Variants in SLC39A12 observed in about 807,000 individuals in gnomAD.
SLC39A12 encodes the protein solute carrier family 39 member 12, also known as zinc transporter ZIP12.
In SLC39A12, 63 loss-of-function variants were observed where a neutral mutation model predicts 71.1. The ratio of observed to expected loss-of-function variants is 0.89; its 90% CI spans 0.72 to 1.09. SLC39A12 has a LOEUF of 1.09. Among genes scored for constraint, SLC39A12 ranks in the 50% least tolerant of loss-of-function variants. SLC39A12 has a pLI of 0.00. For synonymous variants in SLC39A12, 351 were observed against 301.3 expected, an observed-to-expected ratio of 1.16 and a Z score of -1.71; for missense variants, 892 against 812.6, an observed-to-expected ratio of 1.10 and a Z score of -1.19.
intron 12 of SLC39A12, among the ~76,000 whole-genome samples, chr10:18,039,042 A>G (rs532264596): frequency 6.6e-6 from 1 of 152,244 alleles, no homozygotes; most frequent in Non-Finnish European, 1.5e-5. Context: ...TGATGGTTCA[A>G]TAAATGACCT....
At chr10:17,953,109 G>T in intron 1 of SLC39A12, 82 bp from the exon 2 acceptor site, 3 of 848,718 alleles carry the variant, frequency 3.5e-6, no homozygotes, top group Non-Finnish European at 5.4e-6. Context: ...TTGCAAATCA[G>T]CTTAGCCACC....
intron 4 of SLC39A12, among the ~76,000 whole-genome samples, chr10:17,971,632 C>T (rs1834977394): frequency 6.6e-6 from 1 of 152,076 alleles, no homozygotes; most frequent in Admixed American, 6.5e-5. Context: ...TATGGTTACT[C>T]ATAGTAGCCA....
intron 12 of SLC39A12, among the ~76,000 whole-genome samples, chr10:18,011,151 G>A (rs571901293): frequency 3.4e-4 from 52 of 151,896 alleles, no homozygotes; most frequent in Admixed American, 9.2e-4. Context: ...GTGCAGTGGC[G>A]CGATCTCAAC....
At chr10:17,993,115 G>A (rs1835596923) in intron 8 of SLC39A12, 66 bp from the exon 9 acceptor site, 2 of 1,126,552 alleles carry the variant, frequency 1.8e-6, no homozygotes, top group Admixed American at 4.7e-5. Context: ...TGGAACCGTG[G>A]CATTGACAAA....
chr10:17,954,549 C>T (rs576459617), intron 2 of SLC39A12, among the ~76,000 whole-genome samples: 18 of 152,200 alleles, frequency 1.2e-4, no homozygotes, highest in African/African-American at 3.4e-4. Context: ...CCACGGCGCC[C>T]GGCCTCCAGG....
At chr10:17,955,405 C>A (rs1554847662) in intron 2 of SLC39A12, among the ~76,000 whole-genome samples, 1 of 152,152 alleles carries the variant, frequency 6.6e-6, no homozygotes, top group Non-Finnish European at 1.5e-5. Context: ...TCACCCCAAT[C>A]ACCCATCAGG....
chr10:17,956,960 A>G (rs1834566211), intron 2 of SLC39A12, among the ~76,000 whole-genome samples: 2 of 152,108 alleles, frequency 1.3e-5, no homozygotes, highest in South Asian at 4.1e-4. Flanking sequence ...GGAAAAAAAC[A>G]CATACACGTT....
chr10:17,987,395 C>A (rs935293607), intron 6 of SLC39A12, 84 bp from the exon 7 acceptor site: 39 of 1,288,164 alleles, frequency 3.0e-5, no homozygotes, highest in Non-Finnish European at 4.2e-5. Context: ...TACTGTAAGA[C>A]CAATTCTTCT....
intron 12 of SLC39A12, among the ~76,000 whole-genome samples, chr10:18,015,813 C>T (rs753571962): frequency 2.0e-5 from 3 of 151,462 alleles, no homozygotes; most frequent in Non-Finnish European, 4.4e-5. Flanking sequence ...AAATGGTGGC[C>T]AGTAGTCACA....
intron 12 of SLC39A12, among the ~76,000 whole-genome samples, chr10:18,040,274 C>A (rs981790688): frequency 1.3e-5 from 2 of 151,912 alleles, no homozygotes; most frequent in African/African-American, 4.8e-5. Flanking sequence ...ATAAAGACAC[C>A]AAAAGAGCAT....
In SLC39A12 at chr10:17,980,335, A is replaced by G. The variant is rs191382421; in HGVS notation, c.925-977A>G. ...ATTTACAGATTAACAAAGTGCCTTC[A>G]TTAAAAAAAATCTCTATACAGTGTG... On this transcript the variant is annotated intron_variant, in intron 5 of 12. Coordinates refer to ENST00000377369, the MANE Select transcript of SLC39A12 (RefSeq NM_001145195.2). Among the ~76,000 whole-genome samples, 527 of 149,100 alleles carry G rather than the reference A, an allele frequency of 3.5e-3. 2 individuals carry two copies. Among genetic ancestry groups the G allele is most frequent in the African/African-American group, 0.011 (457 of 41,026 alleles).
chr10:18,040,172 C>T (rs1279802893), intron 12 of SLC39A12, among the ~76,000 whole-genome samples: 1 of 152,102 alleles, frequency 6.6e-6, no homozygotes, highest in African/African-American at 2.4e-5. Context: ...CTGTTTTATC[C>T]ACATTCCATA....
chr10:17,968,388 C>A (rs1328248602), intron 4 of SLC39A12, among the ~76,000 whole-genome samples: 1 of 152,128 alleles, frequency 6.6e-6, no homozygotes, highest in African/African-American at 2.4e-5. Context: ...TTTATAGAGT[C>A]TTTCATATTA....
chr10:17,957,527 TAAAC>T (rs1246309881), intron 2 of SLC39A12, among the ~76,000 whole-genome samples: 3 of 152,202 alleles, frequency 2.0e-5, no homozygotes, highest in African/African-American at 7.2e-5. Context: ...CCATTCTTCT[TAAAC>T]AAAGAATTGC....
At chr10:18,009,056 A>G (rs1402868564) in intron 12 of SLC39A12, among the ~76,000 whole-genome samples, 1 of 152,164 alleles carries the variant, frequency 6.6e-6, no homozygotes, top group East Asian at 1.9e-4. Context: ...TTAAAGCATA[A>G]ATTAATTAAT....
chr10:18,003,691 C>T (rs182403756), intron 12 of SLC39A12, among the ~76,000 whole-genome samples: 14 of 152,206 alleles, frequency 9.2e-5, no homozygotes, highest in Admixed American at 2.6e-4. Context: ...CATTCGATTC[C>T]AGCTTTGTAC....
intron 12 of SLC39A12, among the ~76,000 whole-genome samples, chr10:18,008,078 C>A (rs544080494): frequency 3.9e-5 from 6 of 152,280 alleles, no homozygotes; most frequent in African/African-American, 1.4e-4. Flanking sequence ...CCCAAATGAG[C>A]AAGTGGTAGT....
At chr10:17,972,286 G>A (rs1330443759) in intron 4 of SLC39A12, among the ~76,000 whole-genome samples, 2 of 152,152 alleles carry the variant, frequency 1.3e-5, no homozygotes, top group African/African-American at 4.8e-5. Flanking sequence ...CCCATGTGCT[G>A]AAGAAAAGAA....
In SLC39A12 at chr10:17,995,655, G is replaced by C. The variant is rs1564650535; in HGVS notation, c.1534-1G>C. 2 of 1,610,774 alleles carry C rather than the reference G, an allele frequency of 1.2e-6. No individual in the cohort carries two copies. The highest frequency in any genetic ancestry group is 2.7e-5 in the African/African-American group (2 of 74,630). ...ATCAGTTATTTTTTAATTTAAAATAGAAAAGCCCAGAAGATTCACAGGCAG... is the reference window on the plus strand; with the variant it reads ...ATCAGTTATTTTTTAATTTAAAATACAAAAGCCCAGAAGATTCACAGGCAG... On this transcript the variant is annotated splice_acceptor_variant, in intron 9 of 12. Transcript: ENST00000377369. LOFTEE classifies it high-confidence loss of function.
Sources: gnomAD v4.1 joint callset for allele counts (sites outside exome capture counted in the v4.1 genomes callset) on GRCh38, gnomAD v4.1.1 for gene constraint, MANE v1.5 for transcripts, NCBI Gene and HGNC (gene_info 2026-07-23, HGNC 2026-07-21) for gene names.